Variants in HIPK2 observed in about 807,000 individuals in gnomAD.
HIPK2 encodes the protein homeodomain interacting protein kinase 2, also known as homeodomain-interacting protein kinase 2.
In HIPK2, 27 loss-of-function variants were observed where a neutral mutation model predicts 113.7. The ratio of observed to expected loss-of-function variants is 0.24; its 90% CI spans 0.17 to 0.33. HIPK2 has a LOEUF of 0.33. Among genes scored for constraint, HIPK2 ranks in the 10% least tolerant of loss-of-function variants. The probability of loss-of-function intolerance (pLI) is 1.00; values close to 1 mark genes in which losing one functional copy is unlikely to be tolerated. For missense variants in HIPK2, 1,257 were observed against 1,588.0 expected (o/e 0.79, Z 3.54); for synonymous variants, 631 against 642.2 (o/e 0.98, Z 0.26).
intron 1 of HIPK2, among the ~76,000 whole-genome samples, chr7:139,725,227 A>C (rs1435803690): frequency 6.6e-6 from 1 of 152,242 alleles, no homozygotes; most frequent in East Asian, 1.9e-4. Flanking sequence ...AACTTGCCAA[A>C]GTAAACACTA....
At chr7:139,698,438 C>T (rs935708375) in intron 2 of HIPK2, among the ~76,000 whole-genome samples, 1 of 152,044 alleles carries the variant, frequency 6.6e-6, no homozygotes, top group Non-Finnish European at 1.5e-5. Context: ...AGTATTTGTT[C>T]GAGTCCTTGT....
chr7:139,694,050 T>A (rs73469954), intron 2 of HIPK2, among the ~76,000 whole-genome samples: 1 of 152,102 alleles, frequency 6.6e-6, no homozygotes, highest in East Asian at 1.9e-4. Context: ...AGCAGAAATA[T>A]ACTTTTTTTC....
chr7:139,670,405 G>A (rs10242208), intron 2 of HIPK2, among the ~76,000 whole-genome samples: 2,775 of 145,130 alleles, frequency 0.019, 78 homozygotes, highest in African/African-American at 0.066. Context: ...GCATCATAAC[G>A]AGAGCCTATC....
chr7:139,611,352 G>A (rs1252908392), intron 9 of HIPK2, among the ~76,000 whole-genome samples: 4 of 152,040 alleles, frequency 2.6e-5, no homozygotes, highest in Non-Finnish European at 1.5e-5. Context: ...ATCATATCAA[G>A]CACATGAGCA....
At chr7:139,636,274 T>C (rs1295412496) in intron 2 of HIPK2, among the ~76,000 whole-genome samples, 1 of 151,850 alleles carries the variant, frequency 6.6e-6, no homozygotes, top group African/African-American at 2.4e-5. Context: ...ATTTCCTTTG[T>C]AGGCTCGCCC....
chr7:139,692,833 G>C (rs1460426004), intron 2 of HIPK2, among the ~76,000 whole-genome samples: 2 of 152,252 alleles, frequency 1.3e-5, no homozygotes, highest in African/African-American at 2.4e-5. Flanking sequence ...AGGCAGGGAA[G>C]AAGTACGGCT....
chr7:139,747,192 C>G (rs576623131), intron 1 of HIPK2, among the ~76,000 whole-genome samples: 12 of 152,270 alleles, frequency 7.9e-5, no homozygotes, highest in Admixed American at 5.9e-4. Context: ...GGTCACACTC[C>G]CTGCAGCAGC....
chr7:139,732,564 G>C (rs1795822252), intron 1 of HIPK2, among the ~76,000 whole-genome samples: 1 of 152,052 alleles, frequency 6.6e-6, no homozygotes, highest in Non-Finnish European at 1.5e-5. Context: ...TGTATTCCAA[G>C]AGCTAATTTT....
intron 1 of HIPK2, among the ~76,000 whole-genome samples, chr7:139,765,349 A>T (rs542206629): frequency 6.6e-6 from 1 of 152,322 alleles, no homozygotes; most frequent in Admixed American, 6.5e-5. Flanking sequence ...TGACAAGACT[A>T]ATAATATTTT....
chr7:139,679,340 T>C (rs1802616558), intron 2 of HIPK2, among the ~76,000 whole-genome samples: 1 of 152,202 alleles, frequency 6.6e-6, no homozygotes, highest in Admixed American at 6.5e-5. Flanking sequence ...AGGCCCTATC[T>C]TTTAATACTC....
At chr7:139,658,238 G>A (rs1417917195) in intron 2 of HIPK2, among the ~76,000 whole-genome samples, 1 of 151,924 alleles carries the variant, frequency 6.6e-6, no homozygotes, top group Non-Finnish European at 1.5e-5. Flanking sequence ...CCCAGGAGGC[G>A]GAGGTTGCAG....
intron 1 of HIPK2, among the ~76,000 whole-genome samples, chr7:139,774,780 G>A (rs114167479): frequency 6.6e-6 from 1 of 152,096 alleles, no homozygotes; most frequent in Non-Finnish European, 1.5e-5. Context: ...AAAAAGCCTC[G>A]CAAAGCAAGT....
intron 1 of HIPK2, among the ~76,000 whole-genome samples, chr7:139,750,151 T>A (rs972319769): frequency 6.6e-6 from 1 of 152,244 alleles, no homozygotes; most frequent in Non-Finnish European, 1.5e-5. Flanking sequence ...ACGGTGTCCC[T>A]GGGTAAATGG....
rs1253775588 is a variant in HIPK2, at chr7:139,777,825, G to C, written c.-202C>G. The stretch of plus-strand genomic sequence containing the variant: ...CGGGCGCGCCGCCGCCGCCGCCGCC[G>C]CCGCTGCCGCCCGGGCCCGGCGCGG... On this transcript the variant is annotated 5_prime_UTR_variant, in exon 1 of 15. Transcript: ENST00000406875. 1 of 225,058 alleles carries C rather than the reference G, an allele frequency of 4.4e-6. No individual in the cohort carries two copies. Among genetic ancestry groups the C allele is most frequent in the African/African-American group, 2.4e-5 (1 of 41,596 alleles). The allele number at this position is 225,058 out of a possible 1,614,324, so 13.9% of individuals were successfully genotyped here. A position where few individuals can be genotyped will look rare whatever the true frequency, so the allele number is the denominator to read the frequency against.
At position 139,564,308 on chromosome 7, in the gene HIPK2, G is replaced by T. The variant is rs1798030564; in HGVS notation, c.*8619C>A. On this transcript the variant is annotated 3_prime_UTR_variant, in exon 15 of 15. Coordinates refer to ENST00000406875, the MANE Select transcript of HIPK2 (RefSeq NM_022740.5). ...AACGCTGATCAAAATATCACCCCCG[G>T]CCCAGAAGTAGCAGCTGTGCCTTCA... The T allele has an allele frequency of 5.5e-6, 1 of 183,272 alleles. No homozygotes were observed. Among genetic ancestry groups the T allele is most frequent in the South Asian group, 2.0e-4 (1 of 5,058 alleles). 11.4% of individuals were successfully genotyped at this position (183,272 alleles called of 1,614,324 possible).
chr7:139,701,887 G>A (rs1794719408), intron 2 of HIPK2, among the ~76,000 whole-genome samples: 1 of 152,168 alleles, frequency 6.6e-6, no homozygotes, highest in South Asian at 2.1e-4. Flanking sequence ...GTGCAGACTG[G>A]AACGGACGGT....
intron 1 of HIPK2, among the ~76,000 whole-genome samples, chr7:139,730,315 CT>C (rs1468409177): frequency 6.6e-6 from 1 of 151,896 alleles, no homozygotes; most frequent in African/African-American, 2.4e-5. Flanking sequence ...CTACTCTATT[CT>C]TTCCCATTTT....
In HIPK2 at chr7:139,563,578, AT is replaced by A. The variant is rs780885213; in HGVS notation, c.*9348del. 6.0e-5 allele frequency: 22 copies of A among 367,846 alleles called. No homozygotes were observed. Among genetic ancestry groups the A allele is most frequent in the Middle Eastern group, 6.8e-4 (1 of 1,466 alleles). The allele number at this position is 367,846 out of a possible 1,614,324, so 22.8% of individuals were successfully genotyped here. A position where few individuals can be genotyped will look rare whatever the true frequency, so the allele number is the denominator to read the frequency against. The stretch of plus-strand genomic sequence containing the variant: ...AAAAGGCAATTTCTATGTTTTAAAA[AT>A]ATAAGCCCCAAAAACAATGACACAA... On this transcript the variant is annotated 3_prime_UTR_variant, in exon 15 of 15. Transcript: ENST00000406875.
chr7:139,576,662 C>T (rs984902366), intron 13 of HIPK2, among the ~76,000 whole-genome samples: 7 of 152,276 alleles, frequency 4.6e-5, no homozygotes, highest in Middle Eastern at 3.4e-3. Context: ...AGGCTGAGAG[C>T]GTGAATAAGG....
Sources: gnomAD v4.1 joint callset for allele counts (sites outside exome capture counted in the v4.1 genomes callset) on GRCh38, gnomAD v4.1.1 for gene constraint, MANE v1.5 for transcripts, NCBI Gene and HGNC (gene_info 2026-07-23, HGNC 2026-07-21) for gene names.